RFLNA: variants seen among roughly 807,000 people sequenced by gnomAD.
RFLNA encodes the protein refilin-A.
Under a neutral mutation model 7.8 loss-of-function variants are expected in RFLNA, and 5 were observed. The observed-to-expected ratio is 0.64, with a 90% CI of 0.34 to 1.35. RFLNA has a LOEUF of 1.35. Among genes scored for constraint, RFLNA ranks in the 40% most tolerant of loss-of-function variants. The pLI is 0.04. For synonymous variants in RFLNA, 141 were observed against 131.3 expected, an observed-to-expected ratio of 1.07 and a Z score of -0.50; for missense variants, 278 against 305.5, an observed-to-expected ratio of 0.91 and a Z score of 0.67.
chr12:124,303,588 G>A (rs1467190639), intron 1 of RFLNA, among the ~76,000 whole-genome samples: 1 of 152,178 alleles, frequency 6.6e-6, no homozygotes, highest in Non-Finnish European at 1.5e-5. Flanking sequence ...CCTCCTGTGT[G>A]CCCGAGAAGC....
At chr12:124,293,720 T>A (rs566840798), upstream of RFLNA, among the ~76,000 whole-genome samples, 4 of 152,116 alleles carry the variant, frequency 2.6e-5, no homozygotes, top group Non-Finnish European at 5.9e-5. Context: ...TGGTGACAGG[T>A]GCATGCCTGT....
At chr12:124,310,172 CAA>C (rs71088996) in intron 1 of RFLNA, among the ~76,000 whole-genome samples, 988 of 16,978 alleles carry the variant, frequency 0.058, 14 homozygotes, top group African/African-American at 0.14. Context: ...GACTCTGTCT[CAA>C]AAAAAAAAAA....
At chr12:124,300,934 G>A (rs1298781216) in intron 1 of RFLNA, among the ~76,000 whole-genome samples, 1 of 151,528 alleles carries the variant, frequency 6.6e-6, no homozygotes, top group African/African-American at 2.4e-5. Context: ...ATGGATGGAT[G>A]GATGGATGGA....
chr12:124,294,443 CAGTA>C (rs919550025), upstream of RFLNA, among the ~76,000 whole-genome samples: 6 of 152,146 alleles, frequency 3.9e-5, no homozygotes, highest in Admixed American at 1.3e-4. Flanking sequence ...GATAAGAAAA[CAGTA>C]AGGAAGGGAA....
rs764192848 is a variant in RFLNA at position 124,302,826 on chromosome 12, G to GA, written c.207+7190_207+7191insA. Among the ~76,000 whole-genome samples the GA allele has an allele frequency of 7.1e-3, 391 of 54,968 alleles. 6 individuals are homozygous for GA. The highest frequency in any genetic ancestry group is 0.01 in the Non-Finnish European group (175 of 17,310). 36.1% of individuals were successfully genotyped at this position (54,968 alleles called of 152,430 possible). ...GGGCTGAGGTCAGGGGCCGAGGTCA[G>GA]GGGCCGAGGTCAGAGGGCCGAGGTC... On this transcript the variant is annotated intron_variant, in intron 1 of 2. Coordinates refer to ENST00000546355, the MANE Select transcript of RFLNA (RefSeq NM_001365156.1).
At chr12:124,291,502 G>A (rs1266876365), upstream of RFLNA, among the ~76,000 whole-genome samples, 1 of 152,032 alleles carries the variant, frequency 6.6e-6, no homozygotes, top group African/African-American at 2.4e-5. Context: ...GTTGATCCAC[G>A]CACCTTGGCC....
At chr12:124,294,826 G>A (rs1368833207), upstream of RFLNA, among the ~76,000 whole-genome samples, 2 of 152,282 alleles carry the variant, frequency 1.3e-5, no homozygotes, top group Non-Finnish European at 2.9e-5. Flanking sequence ...CCACGAAATA[G>A]GATGATGATG....
intron 1 of RFLNA, among the ~76,000 whole-genome samples, chr12:124,303,077 T>C (rs764779833): frequency 5.9e-5 from 9 of 152,134 alleles, no homozygotes; most frequent in Non-Finnish European, 1.2e-4. Context: ...TTCAGCGAAC[T>C]GCGCCATAGT....
chr12:124,291,220 C>T (rs1162436231), upstream of RFLNA, among the ~76,000 whole-genome samples: 1 of 152,126 alleles, frequency 6.6e-6, no homozygotes, highest in Non-Finnish European at 1.5e-5. Flanking sequence ...TCCATGGCTC[C>T]ATCTGCTTTA....
intron 1 of RFLNA, among the ~76,000 whole-genome samples, chr12:124,296,955 G>A (rs2033940102): frequency 6.6e-6 from 1 of 152,210 alleles, no homozygotes; most frequent in South Asian, 2.1e-4. Flanking sequence ...GGGTGGAAGG[G>A]GCAGTGAGGA....
chr12:124,292,395 T>C (rs965008442), upstream of RFLNA, among the ~76,000 whole-genome samples: 4 of 152,214 alleles, frequency 2.6e-5, no homozygotes, highest in Non-Finnish European at 5.9e-5. Context: ...CACAAGAGCC[T>C]CCTGCCCTGC....
At chr12:124,292,296 G>A (rs1248992425), upstream of RFLNA, among the ~76,000 whole-genome samples, 1 of 151,956 alleles carries the variant, frequency 6.6e-6, no homozygotes, top group Non-Finnish European at 1.5e-5. Flanking sequence ...TACAGCGCTG[G>A]GCCTGGAGCA....
chr12:124,311,988 A>G, intron 2 of RFLNA, 61 bp downstream of exon 2: 1 of 1,411,760 alleles, frequency 7.1e-7, no homozygotes, highest in East Asian at 2.9e-5. Context: ...GCTGGTCCTG[A>G]CTCTCTTGTG....
chr12:124,314,487 G>C lies in RFLNA; in HGVS notation c.613G>C (p.Asp205His), dbSNP rs747771499. Reference sequence around the variant, plus strand: ...CAGCGTGCAGCTGCAGCTTTGCCAGGACCCTGCCCCCAGCCTCCTGGGCCC... The same window carrying C: ...CAGCGTGCAGCTGCAGCTTTGCCAGCACCCTGCCCCCAGCCTCCTGGGCCC... ...TASVQLQLCQDPAPSLLGPAT... is the reference protein window; with the variant it reads ...TASVQLQLCQHPAPSLLGPAT... Residue 205 changes from aspartate (D) to histidine (H), a missense_variant, in exon 3 of 3, where the codon GAC (aspartate) becomes CAC (histidine). Asp to His is a moderately conservative substitution (Grantham distance 81, BLOSUM62 -1). Coordinates refer to ENST00000546355, the MANE Select transcript of RFLNA (RefSeq NM_001365156.1). 2 of 1,595,984 alleles carry C rather than the reference G, an allele frequency of 1.3e-6. No homozygotes were observed. The highest frequency in any genetic ancestry group is 2.2e-5 in the South Asian group (2 of 90,808).
chr12:124,292,678 G>A (rs1456427087), upstream of RFLNA, among the ~76,000 whole-genome samples: 1 of 152,142 alleles, frequency 6.6e-6, no homozygotes, highest in African/African-American at 2.4e-5. Context: ...ATCTCTGACG[G>A]TTATCCACAC....
At chr12:124,299,360 T>G (rs2033986681) in intron 1 of RFLNA, among the ~76,000 whole-genome samples, 1 of 152,276 alleles carries the variant, frequency 6.6e-6, no homozygotes, top group Non-Finnish European at 1.5e-5. Flanking sequence ...TATTTTTTAA[T>G]GTTTTCTTTC....
At chr12:124,305,941 C>T (rs1281133884) in intron 1 of RFLNA, among the ~76,000 whole-genome samples, 1 of 152,190 alleles carries the variant, frequency 6.6e-6, no homozygotes, top group African/African-American at 2.4e-5. Context: ...CTGCTGGGGG[C>T]TTTGAAGAAT....
At chr12:124,299,552 A>C (rs187444249) in intron 1 of RFLNA, among the ~76,000 whole-genome samples, 3 of 152,248 alleles carry the variant, frequency 2.0e-5, no homozygotes, top group East Asian at 3.9e-4. Context: ...TGTCATTCTT[A>C]TGCCTTTGCA....
upstream of RFLNA, among the ~76,000 whole-genome samples, chr12:124,292,895 T>G: frequency 6.6e-6 from 1 of 152,212 alleles, no homozygotes; most frequent in Admixed American, 6.5e-5. Context: ...TCAAAATGGA[T>G]GCAAACAGTT....
Sources: allele counts gnomAD v4.1 joint callset (sites outside exome capture counted in the v4.1 genomes callset), GRCh38; gene constraint gnomAD v4.1.1; transcripts MANE v1.5; gene names NCBI Gene and HGNC (gene_info 2026-07-23, HGNC 2026-07-21).